Variants in RSPH9 observed in about 807,000 individuals in gnomAD.
RSPH9 encodes the protein radial spoke head protein 9 homolog.
A neutral mutation model predicts 27.0 loss-of-function variants in RSPH9; 27 were observed. That is an observed-to-expected ratio of 1.00 (90% CI 0.74 to 1.38). The LOEUF (loss-of-function observed/expected upper bound fraction) is 1.38, where lower values mean the gene tolerates loss of function less well. Among genes scored for constraint, RSPH9 ranks in the 40% most tolerant of loss-of-function variants. The pLI is 0.00. For missense variants in RSPH9, 347 were observed against 357.4 expected (o/e 0.97, Z 0.24); for synonymous variants, 145 against 147.7 (o/e 0.98, Z 0.13).
chr6:43,655,182 T>A (rs1462665762), intron 2 of RSPH9, among the ~76,000 whole-genome samples: 3 of 152,216 alleles, frequency 2.0e-5, no homozygotes, highest in African/African-American at 7.2e-5. Context: ...TACTTTTATA[T>A]TTTAAAAAGG....
At chr6:43,659,548 A>C (rs1387093769) in intron 4 of RSPH9, among the ~76,000 whole-genome samples, 1 of 150,864 alleles carries the variant, frequency 6.6e-6, no homozygotes, top group Non-Finnish European at 1.5e-5. Flanking sequence ...ACGGCTGGCT[A>C]ATTTTTTGTA....
intron 2 of RSPH9, among the ~76,000 whole-genome samples, chr6:43,654,413 G>T (rs1230144467): frequency 6.6e-6 from 1 of 152,188 alleles, no homozygotes; most frequent in East Asian, 1.9e-4. Flanking sequence ...TAGAGGGCTG[G>T]GTGCTGTGGC....
In RSPH9 at chr6:43,645,144, A is replaced by T; in HGVS notation, c.46A>T (p.Ser16Cys). 6.2e-7 allele frequency: 1 copy of T among 1,613,378 alleles called. No individual in the cohort carries two copies. The highest frequency in any genetic ancestry group is 1.1e-5 in the South Asian group (1 of 91,086). ...GCTGTCTCTGGAGCTGGCGTCCGGC[A>T]GTGGGCAGGGCCTCAGCCCGGACCG... ...LLLSLELASG[S>C]GQGLSPDRRA... The change falls in exon 1 of 5, where the codon AGT becomes TGT. Residue 16 changes from serine to cysteine, a missense_variant. By Grantham distance (112) the Ser-to-Cys change is moderately radical. Transcript: ENST00000372163.
intron 2 of RSPH9, among the ~76,000 whole-genome samples, chr6:43,651,049 C>T (rs1229222245): frequency 3.3e-5 from 5 of 151,808 alleles, no homozygotes. Flanking sequence ...TCCGCCTCAG[C>T]CTCCCAAGTA....
At chr6:43,663,457 G>C (rs1772830973) in intron 4 of RSPH9, among the ~76,000 whole-genome samples, 1 of 152,020 alleles carries the variant, frequency 6.6e-6, no homozygotes, top group Admixed American at 6.6e-5. Flanking sequence ...GACCTCAGAT[G>C]ATCCACCTCC....
intron 4 of RSPH9, among the ~76,000 whole-genome samples, chr6:43,669,959 G>A (rs532416412): frequency 3.3e-5 from 5 of 152,206 alleles, no homozygotes; most frequent in Non-Finnish European, 7.4e-5. Context: ...TGCCAGAAAG[G>A]GCCATTGAGC....
chr6:43,645,056 TCTC>T lies in RSPH9; in HGVS notation c.-40_-38del. 1 of 1,564,220 alleles carries T rather than the reference TCTC, an allele frequency of 6.4e-7. No individual in the cohort carries two copies. The highest frequency in any genetic ancestry group is 8.7e-7 in the Non-Finnish European group (1 of 1,144,002). ...GCTTCAGGTCTCCATGGAGGCGGCTTCTCCTAGCAACTCGACGGGCGTTGAGCG... is the reference window on the plus strand; with the variant it reads ...GCTTCAGGTCTCCATGGAGGCGGCTTCTAGCAACTCGACGGGCGTTGAGCG... On this transcript the variant is annotated 5_prime_UTR_variant, in exon 1 of 5. Transcript: ENST00000372163.
At chr6:43,661,809 G>C (rs9472104) in intron 4 of RSPH9, among the ~76,000 whole-genome samples, 37,944 of 152,054 alleles carry the variant, frequency 0.25, 8,385 homozygotes, top group African/African-American at 0.59. Flanking sequence ...GCTGCAGCTT[G>C]TACATTAGCA....
chr6:43,649,444 T>C lies in RSPH9; in HGVS notation c.228-931T>C, dbSNP rs1015892613. On this transcript the variant is annotated intron_variant, in intron 1 of 4. Coordinates refer to ENST00000372163, the MANE Select transcript of RSPH9 (RefSeq NM_152732.5). ...CTGCCCACCTCGGCCTCCAAAGTAC[T>C]GGGAGTACAAGTGTGAGCCACCGCG... Among the ~76,000 whole-genome samples the C allele has an allele frequency of 5.3e-5, 8 of 152,032 alleles. No individual in the cohort carries two copies. In the South Asian group the frequency reaches 6.2e-4, roughly 12 times the overall value.
chr6:43,664,980 GCCCTGTC>G (rs1416416127), intron 4 of RSPH9, among the ~76,000 whole-genome samples: 1 of 152,208 alleles, frequency 6.6e-6, no homozygotes, highest in Non-Finnish European at 1.5e-5. Flanking sequence ...GAGGGCAGCA[GCCCTGTC>G]CCCTGATTCA....
At chr6:43,649,702 A>G (rs1037621991) in intron 1 of RSPH9, among the ~76,000 whole-genome samples, 3 of 152,070 alleles carry the variant, frequency 2.0e-5, no homozygotes, top group Non-Finnish European at 2.9e-5. Flanking sequence ...ATTCCTGAGA[A>G]ATGGGAGGAA....
At position 43,671,685 on chromosome 6, in the gene RSPH9, T is replaced by A. The variant is rs1371660508; in HGVS notation, c.*736T>A. ...TGGTGGGGTGGGACAGGAGTATAGTTGTGGCCAAGGGCTTGTGAGTGGGCC... is the reference window on the plus strand; with the variant it reads ...TGGTGGGGTGGGACAGGAGTATAGTAGTGGCCAAGGGCTTGTGAGTGGGCC... On this transcript the variant is annotated 3_prime_UTR_variant, in exon 5 of 5. Coordinates refer to ENST00000372163, the MANE Select transcript of RSPH9 (RefSeq NM_152732.5). 4 of 1,562,200 alleles carry A rather than the reference T, an allele frequency of 2.6e-6. No homozygotes were observed. Among genetic ancestry groups the A allele is most frequent in the Non-Finnish European group, 3.5e-6 (4 of 1,136,276 alleles).
chr6:43,654,134 G>C (rs941966295), intron 2 of RSPH9, among the ~76,000 whole-genome samples: 1 of 152,162 alleles, frequency 6.6e-6, no homozygotes, highest in African/African-American at 2.4e-5. Flanking sequence ...CCTTTCTTTT[G>C]TAAACCATTC....
chr6:43,663,266 T>C (rs1443706221), intron 4 of RSPH9, among the ~76,000 whole-genome samples: 1 of 152,166 alleles, frequency 6.6e-6, no homozygotes, highest in Non-Finnish European at 1.5e-5. Flanking sequence ...TTGCCCAGGC[T>C]GGAGTGCAAT....
At chr6:43,666,569 C>T (rs1223212020) in intron 4 of RSPH9, 1 of 1,249,390 alleles carries the variant, frequency 8.0e-7, no homozygotes, top group East Asian at 2.5e-5. Context: ...TGACAAGAGA[C>T]ACCTTGGCTG....
intron 4 of RSPH9, among the ~76,000 whole-genome samples, chr6:43,667,537 G>GTCAT (rs1561945414): frequency 6.6e-6 from 1 of 152,224 alleles, no homozygotes; most frequent in Non-Finnish European, 1.5e-5. Context: ...GGTGCCCAGG[G>GTCAT]TCAGCCTTCC....
chr6:43,654,195 C>T lies in RSPH9; in HGVS notation c.394-1367C>T, dbSNP rs1771776395. ...TGGCTCCGTGACTCTCTAGGGGCCT[C>T]TGTTGACACGCATTCTCTGTCGAGC... On this transcript the variant is annotated intron_variant, in intron 2 of 4. Transcript: ENST00000372163. 2.0e-5 allele frequency among the ~76,000 whole-genome samples: 3 copies of T among 152,172 alleles called. No homozygotes were observed. The South Asian group carries it at 6.2e-4, about 31-fold the overall frequency.
chr6:43,670,713 C>A, intron 4 of RSPH9, 76 bp from the exon 5 acceptor site: 1 of 1,413,456 alleles, frequency 7.1e-7, no homozygotes, highest in South Asian at 1.2e-5. Context: ...GCCCAAGGAG[C>A]CAGGGGCCAC....
chr6:43,658,315 A>G (rs1436171294), intron 4 of RSPH9, among the ~76,000 whole-genome samples: 2 of 151,214 alleles, frequency 1.3e-5, no homozygotes, highest in African/African-American at 4.8e-5. Context: ...AAAAAAGAAA[A>G]AAAAAAAAAG....
Sources: allele counts gnomAD v4.1 joint callset (sites outside exome capture counted in the v4.1 genomes callset), GRCh38; gene constraint gnomAD v4.1.1; transcripts MANE v1.5; gene names NCBI Gene and HGNC (gene_info 2026-07-23, HGNC 2026-07-21).